Variants in CLDN16 observed in about 807,000 individuals in gnomAD.
The protein encoded by CLDN16 is claudin 16, also known as claudin-16.
In CLDN16, 13 loss-of-function variants were observed where a neutral mutation model predicts 24.6. That is an observed-to-expected ratio of 0.53 (90% CI 0.34 to 0.84). The LOEUF (loss-of-function observed/expected upper bound fraction) is 0.84, where lower values mean the gene tolerates loss of function less well. Among genes scored for constraint, CLDN16 ranks in the 40% least tolerant of loss-of-function variants. The probability of loss-of-function intolerance (pLI) is 0.01; values close to 1 mark genes in which losing one functional copy is unlikely to be tolerated. For synonymous variants in CLDN16, 116 were observed against 106.7 expected (o/e 1.09, Z -0.54); for missense variants, 298 against 292.7 (o/e 1.02, Z -0.13).
At chr3:190,298,685 G>A in the CLDN16 span, among the ~76,000 whole-genome samples, 2 of 152,024 alleles carry the variant, frequency 1.3e-5, no homozygotes, top group African/African-American at 2.4e-5. Context: ...TGATCCGCGC[G>A]CCTTGGCCTC....
upstream of CLDN16, chr3:190,387,935 C>A: frequency 1.6e-6 from 1 of 627,958 alleles, no homozygotes; most frequent in Non-Finnish European, 2.8e-6. Flanking sequence ...GATCAGTTTA[C>A]AGGTTCCAGC....
chr3:190,371,385 C>G (rs1718139334), intron 2 of CLDN16, among the ~76,000 whole-genome samples: 1 of 151,916 alleles, frequency 6.6e-6, no homozygotes, highest in African/African-American at 2.4e-5. Flanking sequence ...CTCTGACTTT[C>G]CTGCTGTCTC....
At chr3:190,316,140 T>A in the CLDN16 span, among the ~76,000 whole-genome samples, 6 of 152,202 alleles carry the variant, frequency 3.9e-5, no homozygotes, top group African/African-American at 1.2e-4. Flanking sequence ...GAATAATATA[T>A]TATTTGCATA....
At chr3:190,357,927 A>G (rs528350527) in intron 1 of CLDN16, among the ~76,000 whole-genome samples, 3 of 151,968 alleles carry the variant, frequency 2.0e-5, no homozygotes, top group South Asian at 4.1e-4. Context: ...CAATTTGTAA[A>G]TTCCTTCACA....
intron 1 of CLDN16, among the ~76,000 whole-genome samples, chr3:190,393,534 G>A (rs571954226): frequency 1.3e-4 from 20 of 152,136 alleles, no homozygotes; most frequent in Non-Finnish European, 2.5e-4. Flanking sequence ...TAAAGCATTT[G>A]CCACAGCAGC....
chr3:190,383,034 T>C (rs963126961), intron 3 of CLDN16, among the ~76,000 whole-genome samples: 9 of 151,990 alleles, frequency 5.9e-5, no homozygotes, highest in Non-Finnish European at 1.0e-4. Context: ...TCTGACTCAG[T>C]TTTTACTGAA....
intron 3 of CLDN16, among the ~76,000 whole-genome samples, chr3:190,374,757 G>T (rs1718212650): frequency 6.6e-6 from 1 of 151,982 alleles, no homozygotes; most frequent in African/African-American, 2.4e-5. Flanking sequence ...AAACAAAAAA[G>T]AAAGTTTGTT....
upstream of CLDN16, among the ~76,000 whole-genome samples, chr3:190,386,567 G>A (rs935327833): frequency 2.9e-4 from 44 of 152,118 alleles, no homozygotes; most frequent in Non-Finnish European, 5.1e-4. Context: ...TGTGAAGTGG[G>A]ATGGCTTGAG....
the CLDN16 span, among the ~76,000 whole-genome samples, chr3:190,300,143 G>C: frequency 1.3e-5 from 2 of 152,148 alleles, no homozygotes; most frequent in Non-Finnish European, 2.9e-5. Context: ...AATCTTCCAC[G>C]GAGTGGGAGT....
the CLDN16 span, among the ~76,000 whole-genome samples, chr3:190,314,803 A>G: frequency 6.6e-6 from 1 of 152,152 alleles, no homozygotes; most frequent in Non-Finnish European, 1.5e-5. Context: ...TTAAAAATAA[A>G]AAAGAGACTT....
At chr3:190,313,405 C>A in the CLDN16 span, among the ~76,000 whole-genome samples, 3 of 152,138 alleles carry the variant, frequency 2.0e-5, no homozygotes, top group African/African-American at 7.2e-5. Flanking sequence ...TTTTAAGTAA[C>A]AATCATATAT....
At chr3:190,318,264 C>T (rs1451750474), upstream of CLDN16, among the ~76,000 whole-genome samples, 3 of 152,176 alleles carry the variant, frequency 2.0e-5, no homozygotes, top group African/African-American at 7.2e-5. Context: ...TTGTGTGTTT[C>T]TTCAAGAAAT....
the CLDN16 span, among the ~76,000 whole-genome samples, chr3:190,311,452 A>C: frequency 2.0e-5 from 3 of 152,328 alleles, no homozygotes; most frequent in South Asian, 6.2e-4. Context: ...TAGCAAAGCC[A>C]CAGATACTCT....
chr3:190,329,657 G>T (rs1717141440), intron 1 of CLDN16, among the ~76,000 whole-genome samples: 1 of 152,174 alleles, frequency 6.6e-6, no homozygotes, highest in Non-Finnish European at 1.5e-5. Context: ...TTAGACATTA[G>T]TTTTGATTAA....
chr3:190,299,919 A>C, the CLDN16 span, among the ~76,000 whole-genome samples: 1 of 152,150 alleles, frequency 6.6e-6, no homozygotes, highest in African/African-American at 2.4e-5. Flanking sequence ...GGGTAGAGTA[A>C]CCTTCCTGGA....
chr3:190,401,138 A>G (rs1184420077), intron 1 of CLDN16, among the ~76,000 whole-genome samples: 1 of 152,222 alleles, frequency 6.6e-6, no homozygotes, highest in Non-Finnish European at 1.5e-5. Flanking sequence ...GAGGTAAAAC[A>G]TTCAGAATCG....
chr3:190,343,036 G>GA (rs1717472347), intron 1 of CLDN16, among the ~76,000 whole-genome samples: 1 of 151,982 alleles, frequency 6.6e-6, no homozygotes, highest in Non-Finnish European at 1.5e-5. Flanking sequence ...CTACGGATTG[G>GA]AAAAAATATT....
At chr3:190,345,357 T>C (rs1717528045) in intron 1 of CLDN16, among the ~76,000 whole-genome samples, 2 of 152,172 alleles carry the variant, frequency 1.3e-5, no homozygotes, top group Non-Finnish European at 2.9e-5. Flanking sequence ...CCTCAGGAAT[T>C]TGACTTCTCC....
At chr3:190,313,182 C>T in the CLDN16 span, 1 of 836,586 alleles carries the variant, frequency 1.2e-6, no homozygotes, top group Non-Finnish European at 1.9e-6. Flanking sequence ...GATGTTTCCG[C>T]TGGTAACCCA....
Sources: gnomAD v4.1 joint callset for allele counts (sites outside exome capture counted in the v4.1 genomes callset) on GRCh38, gnomAD v4.1.1 for gene constraint, MANE v1.5 for transcripts, NCBI Gene and HGNC (gene_info 2026-07-23, HGNC 2026-07-21) for gene names.